The following CDK14 variants were observed in gnomAD, a reference collection of about 807,000 sequenced individuals.
CDK14 encodes cyclin dependent kinase 14.
Under a neutral mutation model 60.7 loss-of-function variants are expected in CDK14, and 34 were observed. The ratio of observed to expected loss-of-function variants is 0.56; its 90% CI spans 0.43 to 0.75. The LOEUF (loss-of-function observed/expected upper bound fraction) is 0.75. Among genes scored for constraint, CDK14 ranks in the 30% least tolerant of loss-of-function variants. The probability of loss-of-function intolerance (pLI) is 0.00; values close to 1 mark genes in which losing one functional copy is unlikely to be tolerated. For missense variants in CDK14, 482 were observed against 564.1 expected (o/e 0.85, Z 1.47); for synonymous variants, 197 against 203.7 (o/e 0.97, Z 0.28).
intron 13 of CDK14, among the ~76,000 whole-genome samples, chr7:91,113,917 C>T (rs556287419): frequency 6.6e-6 from 1 of 152,224 alleles, no homozygotes; most frequent in South Asian, 2.1e-4. Context: ...AGCAAATCCT[C>T]CTTAACATTT....
chr7:90,659,840 T>TCTCTCTCTCTCTCTCTC (rs1800827628), intron 2 of CDK14, among the ~76,000 whole-genome samples: 1 of 106,846 alleles, frequency 9.4e-6, no homozygotes, highest in African/African-American at 4.3e-5. Context: ...GGAATGCTTC[T>TCTCTCTCTCTCTCTCTC]CTCTCTCTCT....
chr7:90,963,124 T>TGTGTGTG (rs1562847414), intron 9 of CDK14, among the ~76,000 whole-genome samples: 4 of 150,558 alleles, frequency 2.7e-5, no homozygotes, highest in African/African-American at 4.9e-5. Flanking sequence ...TGTGTGTGTG[T>TGTGTGTG]TTTAATTTAG....
chr7:91,195,580 T>C (rs1802510106), intron 14 of CDK14, among the ~76,000 whole-genome samples: 1 of 152,238 alleles, frequency 6.6e-6, no homozygotes, highest in Non-Finnish European at 1.5e-5. Flanking sequence ...TGAATATTTC[T>C]CATGGGTGGA....
At chr7:91,175,759 C>G (rs1360031368) in intron 14 of CDK14, among the ~76,000 whole-genome samples, 1 of 147,280 alleles carries the variant, frequency 6.8e-6, no homozygotes, top group African/African-American at 2.5e-5. Flanking sequence ...GAAGAGCTAA[C>G]TATCCTAAAT....
chr7:90,639,476 C>G (rs961104038), intron 2 of CDK14, among the ~76,000 whole-genome samples: 1 of 151,984 alleles, frequency 6.6e-6, no homozygotes, highest in Non-Finnish European at 1.5e-5. Context: ...GCTGTCTGAT[C>G]GTTCCTCTGG....
At chr7:91,013,925 G>A (rs1297691670) in intron 10 of CDK14, among the ~76,000 whole-genome samples, 1 of 151,926 alleles carries the variant, frequency 6.6e-6, no homozygotes, top group African/African-American at 2.4e-5. Context: ...TAGGGAAATT[G>A]AACTGGAAAG....
At chr7:91,000,099 T>G (rs1035781292) in intron 10 of CDK14, among the ~76,000 whole-genome samples, 7 of 152,228 alleles carry the variant, frequency 4.6e-5, no homozygotes, top group African/African-American at 1.7e-4. Flanking sequence ...ATTGCTTCAG[T>G]AAGCCAACTG....
chr7:91,050,548 T>C (rs907567740), intron 11 of CDK14, among the ~76,000 whole-genome samples: 2 of 152,324 alleles, frequency 1.3e-5, no homozygotes, highest in African/African-American at 4.8e-5. Context: ...ACACAAAACT[T>C]AAGCTCAGCA....
At chr7:91,000,932 TGG>T (rs1795818158) in intron 10 of CDK14, among the ~76,000 whole-genome samples, 1 of 152,232 alleles carries the variant, frequency 6.6e-6, no homozygotes, top group Non-Finnish European at 1.5e-5. Context: ...ATAAAATTTA[TGG>T]GAGCAAGCTA....
chr7:90,613,323 T>A (rs1244300178), intron 2 of CDK14, among the ~76,000 whole-genome samples: 3 of 152,230 alleles, frequency 2.0e-5, no homozygotes, highest in Non-Finnish European at 4.4e-5. Context: ...GGTGGCAGGC[T>A]GTATAGCCTG....
intron 2 of CDK14, among the ~76,000 whole-genome samples, chr7:90,657,964 T>A: frequency 6.6e-6 from 1 of 152,206 alleles, no homozygotes; most frequent in East Asian, 1.9e-4. Context: ...AGATCTAATT[T>A]TTGTTCAAAC....
Position 90,957,063 on chromosome 7 carries a change from C to T in CDK14, c.947+1246C>T, listed in dbSNP as rs372675947. Among the ~76,000 whole-genome samples the T allele has an allele frequency of 9.1e-4, 136 of 149,616 alleles. 3 individuals are homozygous for T. The South Asian group carries it at 0.023, about 25-fold the overall frequency. ...AAGTCTTTGCTATTGTGAATAATGC[C>T]GCAATAAACATACGTGTGCATGTGT... On this transcript the variant is annotated intron_variant, in intron 9 of 14. Coordinates refer to ENST00000380050, the MANE Select transcript of CDK14 (RefSeq NM_001287135.2).
At chr7:90,669,882 T>C (rs1265362090) in intron 2 of CDK14, among the ~76,000 whole-genome samples, 1 of 152,154 alleles carries the variant, frequency 6.6e-6, no homozygotes, top group Non-Finnish European at 1.5e-5. Context: ...ATAGAATAGA[T>C]TGACAGCACA....
chr7:91,191,138 A>G (rs982428026), intron 14 of CDK14, among the ~76,000 whole-genome samples: 3 of 152,098 alleles, frequency 2.0e-5, no homozygotes, highest in Non-Finnish European at 4.4e-5. Flanking sequence ...AGTTCTTGAT[A>G]TGGCTTCTAG....
At chr7:91,011,684 C>T (rs1796162551) in intron 10 of CDK14, among the ~76,000 whole-genome samples, 2 of 152,114 alleles carry the variant, frequency 1.3e-5, no homozygotes, top group Admixed American at 1.3e-4. Flanking sequence ...TCTGTTGCTA[C>T]ATCTGCAAGT....
At chr7:90,964,236 G>A (rs535495946) in intron 9 of CDK14, among the ~76,000 whole-genome samples, 4 of 152,092 alleles carry the variant, frequency 2.6e-5, no homozygotes, top group African/African-American at 9.6e-5. Context: ...CCCTTCCTTC[G>A]TGGCCTTCCC....
At chr7:90,666,514 G>A (rs895600996) in intron 2 of CDK14, 1 of 152,154 alleles carries the variant, frequency 6.6e-6, no homozygotes, top group African/African-American at 2.4e-5. Context: ...TAACAGCTTT[G>A]AGAATTAGTG....
At chr7:90,958,820 T>C (rs997136292) in intron 9 of CDK14, among the ~76,000 whole-genome samples, 1 of 152,120 alleles carries the variant, frequency 6.6e-6, no homozygotes, top group Admixed American at 6.6e-5. Context: ...AAAACATTGG[T>C]TGGAAACATC....
intron 2 of CDK14, chr7:90,709,707 G>C (rs965521590): frequency 6.1e-6 from 9 of 1,484,732 alleles, no homozygotes; most frequent in African/African-American, 2.9e-5. Context: ...TGTCCTTTGA[G>C]TTCTTCTCAA....
Sources: gnomAD v4.1 joint callset for allele counts (sites outside exome capture counted in the v4.1 genomes callset) on GRCh38, gnomAD v4.1.1 for gene constraint, MANE v1.5 for transcripts, NCBI Gene and HGNC (gene_info 2026-07-23, HGNC 2026-07-21) for gene names.